Variants in MECOM observed in about 807,000 individuals in gnomAD.
MECOM encodes MDS1 and EVI1 complex locus, also known as histone-lysine N-methyltransferase MECOM.
A neutral mutation model predicts 116.3 loss-of-function variants in MECOM; 13 were observed. The ratio of observed to expected loss-of-function variants is 0.11; its 90% CI spans 0.07 to 0.18. The LOEUF is 0.18. Among genes scored for constraint, MECOM ranks in the 10% least tolerant of loss-of-function variants. The probability of loss-of-function intolerance (pLI) is 1.00; values close to 1 mark genes in which losing one functional copy is unlikely to be tolerated. For missense variants in MECOM, 1,299 were observed against 1,509.0 expected (o/e 0.86, Z 2.31); for synonymous variants, 528 against 535.2 (o/e 0.99, Z 0.19).
intron 2 of MECOM, among the ~76,000 whole-genome samples, chr3:169,337,448 T>C (rs1431361182): frequency 1.3e-5 from 2 of 152,144 alleles, no homozygotes; most frequent in Non-Finnish European, 2.9e-5. Flanking sequence ...AAGAACACAT[T>C]TGCTGTTATT....
At chr3:169,598,379 T>A (rs1250591000) in intron 1 of MECOM, among the ~76,000 whole-genome samples, 1 of 152,068 alleles carries the variant, frequency 6.6e-6, no homozygotes, top group Non-Finnish European at 1.5e-5. Context: ...TGGCTGAAAA[T>A]TTTTCAAAAA....
chr3:169,661,196 A>T (rs1345687853), intron 1 of MECOM, among the ~76,000 whole-genome samples: 2 of 152,108 alleles, frequency 1.3e-5, no homozygotes, highest in Non-Finnish European at 2.9e-5. Context: ...TTCACTTCAG[A>T]AGTTATCGGG....
At chr3:169,556,324 G>T (rs890023763) in intron 1 of MECOM, among the ~76,000 whole-genome samples, 1 of 152,136 alleles carries the variant, frequency 6.6e-6, no homozygotes, top group Non-Finnish European at 1.5e-5. Context: ...TGGTGGTGGT[G>T]GTAGTGATGT....
intron 1 of MECOM, among the ~76,000 whole-genome samples, chr3:169,450,962 A>T (rs1745477693): frequency 6.6e-6 from 1 of 152,186 alleles, no homozygotes; most frequent in African/African-American, 2.4e-5. Flanking sequence ...ACTTAGCTTA[A>T]CTGTTTTCCA....
At chr3:169,562,535 G>A (rs1762776640) in intron 1 of MECOM, among the ~76,000 whole-genome samples, 1 of 152,166 alleles carries the variant, frequency 6.6e-6, no homozygotes, top group South Asian at 2.1e-4. Flanking sequence ...GCAGTTTAAA[G>A]TGCTTCAGCT....
At chr3:169,516,900 G>A (rs1294224292) in intron 1 of MECOM, among the ~76,000 whole-genome samples, 4 of 152,118 alleles carry the variant, frequency 2.6e-5, no homozygotes, top group Non-Finnish European at 2.9e-5. Context: ...AAAAACCTAA[G>A]CAACGACAAT....
intron 1 of MECOM, among the ~76,000 whole-genome samples, chr3:169,461,795 T>C (rs1291097895): frequency 6.6e-6 from 1 of 152,178 alleles, no homozygotes; most frequent in Non-Finnish European, 1.5e-5. Flanking sequence ...GAAAGCATGA[T>C]TTAAGGCATC....
At chr3:169,131,582 A>G (rs1734725569) in intron 3 of MECOM, 51 bp from the exon 4 acceptor site, 1 of 1,432,646 alleles carries the variant, frequency 7.0e-7, no homozygotes, top group Non-Finnish European at 9.6e-7. Flanking sequence ...AGAGATGTAT[A>G]TATATTAACA....
chr3:169,255,716 T>C (rs994098016), intron 2 of MECOM, among the ~76,000 whole-genome samples: 10 of 152,130 alleles, frequency 6.6e-5, no homozygotes, highest in African/African-American at 2.2e-4. Flanking sequence ...CACATACTAC[T>C]GACTTCTGTA....
At chr3:169,632,482 A>G (rs1772213244) in intron 1 of MECOM, among the ~76,000 whole-genome samples, 1 of 152,198 alleles carries the variant, frequency 6.6e-6, no homozygotes, top group African/African-American at 2.4e-5. Flanking sequence ...ACAGAGCATC[A>G]TCTTGAATTA....
At position 169,626,584 on chromosome 3, in the gene MECOM, C is replaced by T. The variant is rs138786133; in HGVS notation, c.37+36752G>A. ...GAGTAGCTCAGAGGTTTGGTTTGCC[C>T]AGGGCCTGACCTCCACACCAGCCTT... On this transcript the variant is annotated intron_variant, in intron 1 of 16. Coordinates refer to ENST00000651503, the MANE Select transcript of MECOM (RefSeq NM_004991.4). Among the ~76,000 whole-genome samples the T allele has an allele frequency of 1.6e-3, 250 of 152,250 alleles. 1 individual carries two copies. The highest frequency in any genetic ancestry group is 0.015 in the East Asian group (77 of 5,182).
intron 1 of MECOM, among the ~76,000 whole-genome samples, chr3:169,431,830 A>G (rs1030333225): frequency 1.6e-4 from 24 of 152,198 alleles, no homozygotes; most frequent in Non-Finnish European, 3.2e-4. Context: ...GTAAGGCAAC[A>G]CGAGATGGCA....
intron 1 of MECOM, among the ~76,000 whole-genome samples, chr3:169,662,181 C>T (rs1291782262): frequency 1.3e-5 from 2 of 152,264 alleles, no homozygotes; most frequent in Non-Finnish European, 2.9e-5. Context: ...CCCACCGCCC[C>T]CTCCCCAAAC....
chr3:169,157,988 A>G (rs986454648), intron 2 of MECOM, among the ~76,000 whole-genome samples: 1 of 152,194 alleles, frequency 6.6e-6, no homozygotes, highest in African/African-American at 2.4e-5. Flanking sequence ...GGTGATTGAA[A>G]TGACTACAGG....
At chr3:169,416,734 T>C (rs1738675840) in intron 1 of MECOM, among the ~76,000 whole-genome samples, 1 of 151,602 alleles carries the variant, frequency 6.6e-6, no homozygotes, top group African/African-American at 2.4e-5. Flanking sequence ...CAAACTACAA[T>C]CAGAGAACAC....
chr3:169,449,719 T>G (rs957164650), intron 1 of MECOM, among the ~76,000 whole-genome samples: 6 of 152,152 alleles, frequency 3.9e-5, no homozygotes, highest in Non-Finnish European at 8.8e-5. Flanking sequence ...CATGCATGTA[T>G]GTCTGAGACA....
At chr3:169,448,178 T>C (rs1744969716) in intron 1 of MECOM, among the ~76,000 whole-genome samples, 1 of 152,306 alleles carries the variant, frequency 6.6e-6, no homozygotes, top group South Asian at 2.1e-4. Flanking sequence ...TTTCATGTAA[T>C]TGAATTTGTC....
chr3:169,203,114 C>CTATGAA (rs1749410192), intron 2 of MECOM, among the ~76,000 whole-genome samples: 1 of 152,152 alleles, frequency 6.6e-6, no homozygotes, highest in South Asian at 2.1e-4. Flanking sequence ...CAAGGTGAGC[C>CTATGAA]TATGAACTTC....
intron 1 of MECOM, among the ~76,000 whole-genome samples, chr3:169,386,197 C>T (rs1733290187): frequency 6.6e-6 from 1 of 152,120 alleles, no homozygotes; most frequent in African/African-American, 2.4e-5. Context: ...ATTTTGGAAA[C>T]ATATCAGAAC....
Sources: gnomAD v4.1 joint callset for allele counts (sites outside exome capture counted in the v4.1 genomes callset) on GRCh38, gnomAD v4.1.1 for gene constraint, MANE v1.5 for transcripts, NCBI Gene and HGNC (gene_info 2026-07-23, HGNC 2026-07-21) for gene names.